HPF1: variants seen among roughly 807,000 people sequenced by gnomAD.
HPF1 encodes UPF0609 protein C4orf27.
Under a neutral mutation model 38.8 loss-of-function variants are expected in HPF1, and 35 were observed. That is an observed-to-expected ratio of 0.90 (90% CI 0.69 to 1.19). HPF1 has a LOEUF of 1.19. Ranked by LOEUF, HPF1 falls within the 50% of genes most tolerant of loss-of-function variation. The pLI is 0.00. For synonymous variants in HPF1, 115 were observed against 139.2 expected (o/e 0.83, Z 1.22); for missense variants, 367 against 405.8 (o/e 0.90, Z 0.82).
At chr4:169,741,704 G>T (rs1387933434) in intron 5 of HPF1, among the ~76,000 whole-genome samples, 1 of 152,134 alleles carries the variant, frequency 6.6e-6, no homozygotes, top group East Asian at 1.9e-4. Flanking sequence ...GTAAATACTG[G>T]CATGAGTTAT....
At chr4:169,752,437 A>C (rs1248127931) in intron 2 of HPF1, among the ~76,000 whole-genome samples, 2 of 152,232 alleles carry the variant, frequency 1.3e-5, no homozygotes, top group African/African-American at 4.8e-5. Flanking sequence ...ATAGTGTATG[A>C]CAGTGCCTAC....
chr4:169,750,781 T>C (rs1293160070), intron 2 of HPF1, 56 bp from the exon 3 acceptor site: 13 of 1,241,290 alleles, frequency 1.0e-5, no homozygotes, highest in Non-Finnish European at 1.5e-5. Flanking sequence ...GAAATAATGC[T>C]TTTATTTAGT....
At chr4:169,731,572 A>C in intron 7 of HPF1, 132 bp downstream of exon 7, 1 of 612,240 alleles carries the variant, frequency 1.6e-6, no homozygotes, top group Non-Finnish European at 2.6e-6. Flanking sequence ...TTTGAAATAC[A>C]AGCTGAATCC....
intron 1 of HPF1, among the ~76,000 whole-genome samples, chr4:169,754,399 T>C (rs1017704440): frequency 1.3e-5 from 2 of 152,182 alleles, no homozygotes; most frequent in Non-Finnish European, 2.9e-5. Context: ...CCTAATAAAG[T>C]TAGCAGAATA....
Position 169,750,574 on chromosome 4 carries a change from A to G in HPF1, c.360T>C (p.Ile120=), listed in dbSNP as rs1734104466. The change falls in exon 3 of 8, where the codon ATT becomes ATC. Residue 120 remains isoleucine (I), a synonymous_variant. Transcript: ENST00000393381. ...TGTGGTACTGAGTTTTATTATCTCC[A>G]ATAATAATGGTCTGGAACTCAGGAG... ...YDPPEFQTII[I]GDNKTQYHMG... The G allele has an allele frequency of 6.2e-7, 1 of 1,610,452 alleles. No homozygotes were observed. Among genetic ancestry groups the G allele is most frequent in the African/African-American group, 1.3e-5 (1 of 74,746 alleles).
In HPF1 at chr4:169,739,770, G is replaced by A. The variant is rs537946639; in HGVS notation, c.649-2023C>T. On this transcript the variant is annotated intron_variant, in intron 5 of 7. Coordinates refer to ENST00000393381, the MANE Select transcript of HPF1 (RefSeq NM_017867.3). ...ACCATAAGCACAGTATTCTGCAGCC[G>A]CTCAAAATTATGAGGTAGATCTTAA... 7.9e-5 allele frequency among the ~76,000 whole-genome samples: 12 copies of A among 152,242 alleles called. No homozygotes were observed. In the East Asian group the frequency reaches 2.1e-3, roughly 27 times the overall value.
At chr4:169,745,843 C>T (rs1560889875) in intron 4 of HPF1, among the ~76,000 whole-genome samples, 5 of 152,268 alleles carry the variant, frequency 3.3e-5, no homozygotes, top group Middle Eastern at 3.4e-3. Flanking sequence ...GCAATGACTG[C>T]TGCTACCCTG....
intron 2 of HPF1, among the ~76,000 whole-genome samples, chr4:169,753,047 TTTC>T (rs1452164667): frequency 2.7e-4 from 40 of 149,420 alleles, no homozygotes; most frequent in Admixed American, 2.5e-3. Flanking sequence ...TTTTTTTTTT[TTTC>T]TGAGACAGGG....
intron 2 of HPF1, among the ~76,000 whole-genome samples, chr4:169,752,168 C>CTTTTTTTTT (rs35247508): frequency 9.3e-6 from 1 of 107,178 alleles, no homozygotes; most frequent in African/African-American, 3.7e-5. Context: ...ACAGGCATGA[C>CTTTTTTTTT]TTTTTTTTTT....
At chr4:169,754,916 TTTTTA>T (rs574714356) in intron 1 of HPF1, among the ~76,000 whole-genome samples, 121 of 151,864 alleles carry the variant, frequency 8.0e-4, no homozygotes, top group Non-Finnish European at 1.5e-3. Flanking sequence ...TTTATATATT[TTTTTA>T]TTTTATTATT....
chr4:169,752,881 A>G (rs1319969843), intron 2 of HPF1, among the ~76,000 whole-genome samples: 1 of 152,154 alleles, frequency 6.6e-6, no homozygotes, highest in Non-Finnish European at 1.5e-5. Flanking sequence ...ATTCCCCCAG[A>G]ATGTGATGAA....
At chr4:169,742,574 T>G (rs747554510) in intron 4 of HPF1, among the ~76,000 whole-genome samples, 2 of 152,102 alleles carry the variant, frequency 1.3e-5, no homozygotes, top group African/African-American at 4.8e-5. Context: ...GGGCGGATCA[T>G]GAGGTCAGGA....
At chr4:169,732,938 G>T (rs1412689064) in intron 6 of HPF1, among the ~76,000 whole-genome samples, 1 of 152,168 alleles carries the variant, frequency 6.6e-6, no homozygotes, top group East Asian at 1.9e-4. Flanking sequence ...AGGGACTTGA[G>T]CATCAGATTC....
At chr4:169,755,227 G>T (rs536690724) in intron 1 of HPF1, among the ~76,000 whole-genome samples, 4 of 152,212 alleles carry the variant, frequency 2.6e-5, no homozygotes, top group African/African-American at 9.6e-5. Context: ...CTATTGTTAG[G>T]AGAACAGTTG....
In HPF1 at chr4:169,737,744, C is replaced by T; in HGVS notation, c.652G>A (p.Val218Met). Residue 218 changes from valine (V) to methionine (M), a missense_variant, in exon 6 of 8, where the codon GTG becomes ATG. By Grantham distance (21) the Val-to-Met change is conservative. Coordinates refer to ENST00000393381, the MANE Select transcript of HPF1 (RefSeq NM_017867.3). ...CCTGCACCATGAAAGGTCTTTGTCA[C>T]AACCTACATTAAAGAAAAGAATAAA... The part of the protein sequence containing the change: ...VKMKQRDKKV[V>M]TKTFHGAGLV... 4 of 1,601,710 alleles carry T rather than the reference C, an allele frequency of 2.5e-6. No individual in the cohort carries two copies. The highest frequency in any genetic ancestry group is 3.4e-6 in the Non-Finnish European group (4 of 1,169,272).
chr4:169,742,978 G>A (rs1379496260), intron 4 of HPF1, among the ~76,000 whole-genome samples: 1 of 151,414 alleles, frequency 6.6e-6, no homozygotes, highest in Non-Finnish European at 1.5e-5. Context: ...GCATGCACCT[G>A]TATTCACAGC....
rs1488032637 is a variant in HPF1, at chr4:169,753,835, A to G, written c.49T>C (p.Cys17Arg). 1.2e-6 allele frequency: 2 copies of G among 1,602,922 alleles called. No homozygotes were observed. Among genetic ancestry groups the G allele is most frequent in the Non-Finnish European group, 1.7e-6 (2 of 1,176,676 alleles). ...TTCTTCACATCAGTTGTTTTTTCAC[A>G]CTGAAAATTGGCACACAAACTTTAG... Reference protein sequence around the residue: ...KRRPGGEGPQCEKTTDVKKSK... With the variant: ...KRRPGGEGPQREKTTDVKKSK... The change falls in exon 2 of 8, where the codon TGT becomes CGT. Residue 17 changes from cysteine to arginine, a missense_variant and splice_region_variant. By Grantham distance (180) the Cys-to-Arg change is radical (BLOSUM62 -3). Transcript: ENST00000393381.
chr4:169,753,858 T>G (rs910794920), intron 1 of HPF1, 23 bp from the exon 2 acceptor site: 1 of 1,594,092 alleles, frequency 6.3e-7, no homozygotes, highest in African/African-American at 1.4e-5. Flanking sequence ...ACACAAACTT[T>G]AGTTCTCCAA....
At chr4:169,743,553 T>C (rs1276313151) in intron 4 of HPF1, among the ~76,000 whole-genome samples, 1 of 151,952 alleles carries the variant, frequency 6.6e-6, no homozygotes, top group Non-Finnish European at 1.5e-5. Flanking sequence ...AGCTACTTTG[T>C]AAGCTTATAC....
Sources: allele counts gnomAD v4.1 joint callset (sites outside exome capture counted in the v4.1 genomes callset), GRCh38; gene constraint gnomAD v4.1.1; transcripts MANE v1.5; gene names NCBI Gene and HGNC (gene_info 2026-07-23, HGNC 2026-07-21).